SUGCT: variants seen among roughly 807,000 people sequenced by gnomAD.
The protein encoded by SUGCT is succinyl-CoA:glutarate CoA-transferase.
Under a neutral mutation model 55.0 loss-of-function variants are expected in SUGCT, and 41 were observed. The ratio of observed to expected loss-of-function variants is 0.74; its 90% CI spans 0.58 to 0.97. SUGCT has a LOEUF of 0.97. SUGCT is among the 50% of genes least tolerant of loss of function. The pLI, the probability that SUGCT is intolerant of heterozygous loss-of-function variation, is 0.00. For synonymous variants in SUGCT, 187 were observed against 200.4 expected, an observed-to-expected ratio of 0.93 and a Z score of 0.56; for missense variants, 568 against 547.8, an observed-to-expected ratio of 1.04 and a Z score of -0.37.
At chr7:40,410,692 T>C (rs906692225) in intron 9 of SUGCT, among the ~76,000 whole-genome samples, 14 of 152,196 alleles carry the variant, frequency 9.2e-5, no homozygotes, top group Admixed American at 7.9e-4. Context: ...GAGGCATAGG[T>C]GGCATATTTT....
intron 12 of SUGCT, among the ~76,000 whole-genome samples, chr7:40,567,423 T>C (rs1458227900): frequency 6.6e-6 from 1 of 152,252 alleles, no homozygotes; most frequent in Non-Finnish European, 1.5e-5. Flanking sequence ...TCTTGATTTT[T>C]TTCTTAGGAG....
intron 7 of SUGCT, among the ~76,000 whole-genome samples, chr7:40,272,560 A>C (rs998463106): frequency 1.3e-5 from 2 of 151,452 alleles, no homozygotes; most frequent in Non-Finnish European, 2.9e-5. Flanking sequence ...TGCAGTAACC[A>C]TGGGAGTGCA....
intron 9 of SUGCT, among the ~76,000 whole-genome samples, chr7:40,427,910 T>C (rs771326998): frequency 2.6e-5 from 4 of 152,196 alleles, no homozygotes; most frequent in Non-Finnish European, 5.9e-5. Flanking sequence ...GGAGGCTCTC[T>C]GTATGCCTGT....
At chr7:40,947,696 A>G in the SUGCT span, among the ~76,000 whole-genome samples, 1 of 152,144 alleles carries the variant, frequency 6.6e-6, no homozygotes. Flanking sequence ...AATGAAGTCT[A>G]TATTCTTTGT....
chr7:40,294,495 A>G (rs17171671), intron 8 of SUGCT, among the ~76,000 whole-genome samples: 11,835 of 152,246 alleles, frequency 0.078, 1,005 homozygotes, highest in African/African-American at 0.21. Flanking sequence ...CAGAGTTTAC[A>G]TACCAGTCTT....
intron 12 of SUGCT, among the ~76,000 whole-genome samples, chr7:40,515,490 A>G (rs577185601): frequency 6.6e-6 from 1 of 152,160 alleles, no homozygotes; most frequent in Non-Finnish European, 1.5e-5. Flanking sequence ...CCCTCCCCTT[A>G]TCGCTGGTAA....
chr7:40,860,047 T>C lies in SUGCT; in HGVS notation c.1154-269T>C, dbSNP rs6971120. On this transcript the variant is annotated intron_variant, in intron 13 of 13. Transcript: ENST00000335693. ...CATGACGGGAACACCAGCTTCCAAA[T>C]AGGCCCGGCACAAATTAGCTTCATC... Among the ~76,000 whole-genome samples the C allele has an allele frequency of 0.34, 51,141 of 152,050 alleles. 9,636 individuals carry two copies. The highest frequency in any genetic ancestry group is 0.82 in the East Asian group (4,247 of 5,154).
At chr7:40,365,874 A>G (rs1217322525) in intron 9 of SUGCT, among the ~76,000 whole-genome samples, 1 of 152,230 alleles carries the variant, frequency 6.6e-6, no homozygotes, top group Non-Finnish European at 1.5e-5. Flanking sequence ...ATCCCCATCA[A>G]GCTACCAACG....
At chr7:40,865,023 TTC>T (rs1461145549), downstream of SUGCT, among the ~76,000 whole-genome samples, 1 of 152,112 alleles carries the variant, frequency 6.6e-6, no homozygotes, top group Non-Finnish European at 1.5e-5. Context: ...TTTCACCTCT[TTC>T]TCTCTTTGTC....
At chr7:40,916,774 G>A in the SUGCT span, among the ~76,000 whole-genome samples, 1 of 152,118 alleles carries the variant, frequency 6.6e-6, no homozygotes, top group East Asian at 1.9e-4. Context: ...GACTGTGTAG[G>A]CTTTAACATT....
chr7:40,992,328 G>A, the SUGCT span, among the ~76,000 whole-genome samples: 3 of 152,154 alleles, frequency 2.0e-5, no homozygotes, highest in Non-Finnish European at 2.9e-5. Flanking sequence ...ATAATGAGCA[G>A]TCAGGACAAC....
chr7:40,571,816 G>A (rs537826913), intron 12 of SUGCT, among the ~76,000 whole-genome samples: 140 of 152,346 alleles, frequency 9.2e-4, no homozygotes, highest in African/African-American at 3.2e-3. Context: ...TTGGGATTAT[G>A]TAGGAATGTG....
the SUGCT span, among the ~76,000 whole-genome samples, chr7:41,017,628 G>A: frequency 2.6e-5 from 4 of 152,146 alleles, no homozygotes; most frequent in South Asian, 2.1e-4. Flanking sequence ...AAACTTAGCC[G>A]GGCGTGGTGG....
At chr7:40,655,319 T>A (rs940722550) in intron 12 of SUGCT, among the ~76,000 whole-genome samples, 14 of 151,996 alleles carry the variant, frequency 9.2e-5, no homozygotes, top group African/African-American at 3.4e-4. Flanking sequence ...ATTAAAAAAA[T>A]TTATATAATT....
chr7:40,425,056 C>T (rs1787517393), intron 9 of SUGCT, among the ~76,000 whole-genome samples: 1 of 152,040 alleles, frequency 6.6e-6, no homozygotes, highest in Admixed American at 6.6e-5. Flanking sequence ...TTCTCAGAAA[C>T]TCATGTAGTT....
chr7:40,375,391 G>A (rs1229919683), intron 9 of SUGCT, among the ~76,000 whole-genome samples: 16 of 152,198 alleles, frequency 1.1e-4, no homozygotes. Context: ...ACTTGTCTGA[G>A]TCCAGTGGAC....
chr7:40,417,997 G>A (rs1007043873), intron 9 of SUGCT, among the ~76,000 whole-genome samples: 1 of 151,850 alleles, frequency 6.6e-6, no homozygotes, highest in African/African-American at 2.4e-5. Context: ...TATTTCACAC[G>A]AGTCAAAGCT....
chr7:40,546,604 C>T (rs983332808), intron 12 of SUGCT: 2 of 152,130 alleles, frequency 1.3e-5, no homozygotes, highest in Non-Finnish European at 2.9e-5. Flanking sequence ...TTCCTATTGA[C>T]AACAGACTCT....
intron 12 of SUGCT, among the ~76,000 whole-genome samples, chr7:40,622,366 C>A (rs1231529196): frequency 6.6e-6 from 1 of 152,086 alleles, no homozygotes; most frequent in African/African-American, 2.4e-5. Context: ...TCAGCAGTTC[C>A]TGGGAGAGGA....
Sources: gnomAD v4.1 joint callset for allele counts (sites outside exome capture counted in the v4.1 genomes callset) on GRCh38, gnomAD v4.1.1 for gene constraint, MANE v1.5 for transcripts, NCBI Gene and HGNC (gene_info 2026-07-23, HGNC 2026-07-21) for gene names.